FOXP1: variants seen among roughly 807,000 people sequenced by gnomAD.
FOXP1 encodes forkhead box protein P1.
FOXP1 carries 15 observed loss-of-function variants against 98.2 expected under a neutral mutation model. That is an observed-to-expected ratio of 0.15 (90% CI 0.10 to 0.24). The LOEUF is 0.24. Ranked by LOEUF, FOXP1 falls within the 10% of genes least tolerant of loss-of-function variation. The pLI, the probability that FOXP1 is intolerant of heterozygous loss-of-function variation, is 1.00. For missense variants in FOXP1, 633 were observed against 848.5 expected (o/e 0.75, Z 3.15); for synonymous variants, 371 against 314.5 (o/e 1.18, Z -1.90).
chr3:70,996,011 A>AG (rs1171553266), intron 13 of FOXP1, among the ~76,000 whole-genome samples: 3 of 152,182 alleles, frequency 2.0e-5, no homozygotes, highest in Non-Finnish European at 2.9e-5. Context: ...CTTGAGATGG[A>AG]GTTTTGCTCT....
At chr3:71,405,898 T>C (rs1169020944) in intron 3 of FOXP1, among the ~76,000 whole-genome samples, 1 of 151,762 alleles carries the variant, frequency 6.6e-6, no homozygotes, top group Non-Finnish European at 1.5e-5. Flanking sequence ...CCGGCTAATT[T>C]TTTATATTTT....
chr3:71,098,200 A>G (rs2056643192), intron 7 of FOXP1, among the ~76,000 whole-genome samples: 1 of 152,220 alleles, frequency 6.6e-6, no homozygotes, highest in South Asian at 2.1e-4. Flanking sequence ...TGAGAGATTT[A>G]GGTGTATTTT....
chr3:70,962,421 A>G (rs1022332001), intron 20 of FOXP1, among the ~76,000 whole-genome samples: 2 of 152,164 alleles, frequency 1.3e-5, no homozygotes, highest in Non-Finnish European at 2.9e-5. Flanking sequence ...ATTTATTGTG[A>G]TATTAACTTC....
In FOXP1 at chr3:71,561,120, G is replaced by A. The variant is rs541106714; in HGVS notation, c.-298+20429C>T. Among the ~76,000 whole-genome samples, 20 of 152,062 alleles carry A rather than the reference G, an allele frequency of 1.3e-4. No individual in the cohort carries two copies. In the East Asian group the frequency reaches 1.5e-3, roughly 12 times the overall value. The stretch of plus-strand genomic sequence containing the variant: ...CACCCAGGCTGGATTGTAGTGGCAC[G>A]ATCTCGGCTCACTGCAACCTCCGAC... On this transcript the variant is annotated intron_variant, in intron 2 of 20. Coordinates refer to ENST00000649528, the MANE Select transcript of FOXP1 (RefSeq NM_001349338.3).
At chr3:71,166,918 C>T (rs1167365236) in intron 6 of FOXP1, among the ~76,000 whole-genome samples, 3 of 151,988 alleles carry the variant, frequency 2.0e-5, no homozygotes, top group Non-Finnish European at 4.4e-5. Flanking sequence ...TTTCCAGCCC[C>T]GTAATGCCCT....
chr3:70,983,046 G>GA (rs1227497407), intron 14 of FOXP1, among the ~76,000 whole-genome samples: 1 of 152,226 alleles, frequency 6.6e-6, no homozygotes, highest in African/African-American at 2.4e-5. Flanking sequence ...TTCTGGGCAT[G>GA]AATCACTGAG....
At chr3:70,976,819 A>G (rs2037664039) in intron 17 of FOXP1, 122 bp downstream of exon 17, 1 of 725,392 alleles carries the variant, frequency 1.4e-6, no homozygotes, top group Non-Finnish European at 2.5e-6. Context: ...TAGAGATTGG[A>G]CACTTTAAGA....
chr3:71,312,354 G>C (rs1404699842), intron 4 of FOXP1, among the ~76,000 whole-genome samples: 4 of 152,100 alleles, frequency 2.6e-5, no homozygotes, highest in Non-Finnish European at 4.4e-5. Flanking sequence ...TGGAGGTATA[G>C]ATAATTTTTT....
chr3:71,036,738 T>C (rs565723240), intron 11 of FOXP1, among the ~76,000 whole-genome samples: 19 of 152,304 alleles, frequency 1.2e-4, no homozygotes, highest in Non-Finnish European at 2.4e-4. Context: ...AAATGATTTA[T>C]AGCTTGTAAA....
intron 7 of FOXP1, among the ~76,000 whole-genome samples, chr3:71,073,080 T>A (rs1281062749): frequency 6.6e-6 from 1 of 152,260 alleles, no homozygotes; most frequent in East Asian, 1.9e-4. Context: ...AGAACTTCCC[T>A]CTTTTCAAAC....
intron 4 of FOXP1, among the ~76,000 whole-genome samples, chr3:71,345,401 C>T (rs1249816851): frequency 0.035 from 292 of 8,450 alleles, 2 homozygotes; most frequent in East Asian, 0.25. Flanking sequence ...TATATATACA[C>T]ACACACACAC....
chr3:71,429,019 C>A (rs9870064), intron 3 of FOXP1, among the ~76,000 whole-genome samples: 3 of 152,192 alleles, frequency 2.0e-5, no homozygotes, highest in African/African-American at 7.2e-5. Context: ...AGACAGTAGT[C>A]GGCTGACATT....
At chr3:71,314,574 G>C (rs958819787) in intron 4 of FOXP1, among the ~76,000 whole-genome samples, 6 of 150,522 alleles carry the variant, frequency 4.0e-5, no homozygotes, top group African/African-American at 1.5e-4. Flanking sequence ...CCATGCTACA[G>C]GCTGGAAAAA....
At chr3:71,432,867 T>TAAAAAAAAAAAAAAAAAAAAC (rs1560478182) in intron 3 of FOXP1, among the ~76,000 whole-genome samples, 1 of 79,180 alleles carries the variant, frequency 1.3e-5, no homozygotes, top group Non-Finnish European at 2.7e-5. Context: ...AAAAAAAAAA[T>TAAAAAAAAAAAAAAAAAAAAC]TAAAAAAAAA....
intron 2 of FOXP1, among the ~76,000 whole-genome samples, chr3:71,520,434 C>G (rs2042893721): frequency 6.6e-6 from 1 of 152,130 alleles, no homozygotes; most frequent in Non-Finnish European, 1.5e-5. Flanking sequence ...CACAGGAATC[C>G]TTGCAGAATT....
At chr3:71,055,291 T>C (rs573923014) in intron 7 of FOXP1, among the ~76,000 whole-genome samples, 7 of 152,198 alleles carry the variant, frequency 4.6e-5, no homozygotes, top group Non-Finnish European at 8.8e-5. Flanking sequence ...GCTTGTTTCA[T>C]GTGTGGGGAT....
At chr3:71,041,711 C>T (rs1414923192) in intron 10 of FOXP1, among the ~76,000 whole-genome samples, 179 bp from the exon 11 acceptor site, 1 of 152,070 alleles carries the variant, frequency 6.6e-6, no homozygotes, top group African/African-American at 2.4e-5. Context: ...TGTCCTCTTA[C>T]CGAGCAACTG....
chr3:71,029,245 C>G (rs902160890), intron 11 of FOXP1, among the ~76,000 whole-genome samples: 3 of 152,126 alleles, frequency 2.0e-5, no homozygotes, highest in Non-Finnish European at 4.4e-5. Context: ...TACTATATGC[C>G]AGGCTGGCTT....
At chr3:71,299,252 C>T (rs972608656) in intron 5 of FOXP1, among the ~76,000 whole-genome samples, 4 of 152,130 alleles carry the variant, frequency 2.6e-5, no homozygotes, top group South Asian at 4.1e-4. Context: ...AAATCAAGTA[C>T]TCATTTGATT....
Sources: allele counts gnomAD v4.1 joint callset (sites outside exome capture counted in the v4.1 genomes callset), GRCh38; gene constraint gnomAD v4.1.1; transcripts MANE v1.5; gene names NCBI Gene and HGNC (gene_info 2026-07-23, HGNC 2026-07-21).